FGF14: variants seen among roughly 807,000 people sequenced by gnomAD.
The protein encoded by FGF14 is fibroblast growth factor 14, also known as fibroblast growth factor homologous factor 4.
In FGF14, 5 loss-of-function variants were observed where a neutral mutation model predicts 25.5. That is an observed-to-expected ratio of 0.20 (90% CI 0.10 to 0.41). The LOEUF (loss-of-function observed/expected upper bound fraction) is 0.41, where lower values mean the gene tolerates loss of function less well. FGF14 is among the 10% of genes least tolerant of loss of function. The pLI is 1.00. For synonymous variants in FGF14, 138 were observed against 118.3 expected (o/e 1.17, Z -1.08); for missense variants, 222 against 320.1 (o/e 0.69, Z 2.34).
At chr13:101,803,316 T>C (rs1278263378) in intron 3 of FGF14, among the ~76,000 whole-genome samples, 1 of 151,724 alleles carries the variant, frequency 6.6e-6, no homozygotes, top group Admixed American at 6.6e-5. Context: ...AATTATGGAA[T>C]TGGGGGTCTC....
At chr13:102,024,351 T>C (rs982964922) in intron 1 of FGF14, among the ~76,000 whole-genome samples, 1 of 152,082 alleles carries the variant, frequency 6.6e-6, no homozygotes, top group African/African-American at 2.4e-5. Flanking sequence ...TTGTAGTTCG[T>C]ATTTGCATTT....
intron 1 of FGF14, among the ~76,000 whole-genome samples, chr13:102,267,760 T>C (rs1021969022): frequency 6.6e-6 from 1 of 152,178 alleles, no homozygotes; most frequent in Non-Finnish European, 1.5e-5. Context: ...CTTGGTATTT[T>C]ACAATCATGT....
chr13:102,213,600 A>G (rs1392417377), intron 1 of FGF14, among the ~76,000 whole-genome samples: 2 of 152,246 alleles, frequency 1.3e-5, no homozygotes, highest in Non-Finnish European at 1.5e-5. Context: ...ACATTTAGAT[A>G]ATTATTGTTG....
intron 1 of FGF14, among the ~76,000 whole-genome samples, chr13:101,906,384 A>C (rs549512668): frequency 4.9e-4 from 75 of 152,328 alleles, no homozygotes; most frequent in African/African-American, 1.7e-3. Flanking sequence ...AAAAGCCATG[A>C]ACAAATATTT....
intron 1 of FGF14, among the ~76,000 whole-genome samples, chr13:102,273,326 G>C (rs976051230): frequency 1.3e-5 from 2 of 152,256 alleles, no homozygotes; most frequent in Middle Eastern, 3.4e-3. Context: ...AGCAGCATGG[G>C]ACAGAATTAA....
At chr13:101,878,665 C>T (rs1186153790) in intron 1 of FGF14, among the ~76,000 whole-genome samples, 1 of 151,928 alleles carries the variant, frequency 6.6e-6, no homozygotes, top group Non-Finnish European at 1.5e-5. Context: ...GTAACAAAAA[C>T]AAATGATGAT....
chr13:101,972,871 G>T (rs964189425), intron 1 of FGF14, among the ~76,000 whole-genome samples: 4 of 152,136 alleles, frequency 2.6e-5, no homozygotes, highest in Non-Finnish European at 4.4e-5. Context: ...AATGCATAGG[G>T]ATTTTCCTTT....
intron 1 of FGF14, among the ~76,000 whole-genome samples, chr13:101,968,566 G>A (rs1218556882): frequency 2.0e-5 from 3 of 151,726 alleles, no homozygotes; most frequent in South Asian, 2.1e-4. Flanking sequence ...CCAGCTACTC[G>A]GGAGGCTGAG....
chr13:101,903,865 T>A (rs1594668628), intron 1 of FGF14, among the ~76,000 whole-genome samples: 1 of 152,104 alleles, frequency 6.6e-6, no homozygotes, highest in South Asian at 2.1e-4. Context: ...GTTTGCTTGT[T>A]TGTATGAGTG....
At chr13:102,116,326 G>A (rs145215734) in intron 1 of FGF14, among the ~76,000 whole-genome samples, 3 of 152,176 alleles carry the variant, frequency 2.0e-5, no homozygotes, top group Admixed American at 2.0e-4. Context: ...ACATGGAATT[G>A]CCATATGATC....
At chr13:101,985,288 G>C (rs2038509450) in intron 1 of FGF14, among the ~76,000 whole-genome samples, 1 of 151,922 alleles carries the variant, frequency 6.6e-6, no homozygotes, top group South Asian at 2.1e-4. Context: ...TGAACTGACT[G>C]AATTTCCATA....
chr13:102,138,962 C>T (rs1335720579), intron 1 of FGF14, among the ~76,000 whole-genome samples: 3 of 152,122 alleles, frequency 2.0e-5, no homozygotes, highest in African/African-American at 4.8e-5. Flanking sequence ...GTACTGTGTA[C>T]TTTTTATTTA....
At chr13:102,161,571 A>ACC (rs201031635) in intron 1 of FGF14, among the ~76,000 whole-genome samples, 2 of 3,482 alleles carry the variant, frequency 5.7e-4, no homozygotes, top group African/African-American at 8.8e-4. Context: ...TCTGTGAAGA[A>ACC]AGAAAGAAGA....
At chr13:102,273,427 G>T (rs1180063587) in intron 1 of FGF14, among the ~76,000 whole-genome samples, 1 of 152,112 alleles carries the variant, frequency 6.6e-6, no homozygotes, top group Non-Finnish European at 1.5e-5. Flanking sequence ...CTTTTCAGAA[G>T]ATTTGGAATG....
At chr13:101,931,579 G>T (rs981789276) in intron 1 of FGF14, among the ~76,000 whole-genome samples, 8 of 152,092 alleles carry the variant, frequency 5.3e-5, no homozygotes, top group African/African-American at 1.7e-4. Context: ...ACTTTGTTTT[G>T]TTCACTGTGC....
rs2034693054 is a variant in FGF14, at chr13:101,715,747, G to A, written c.*7084C>T. 6 of 718,542 alleles carry A rather than the reference G, an allele frequency of 8.4e-6. No individual in the cohort carries two copies. The East Asian group carries it at 1.5e-4, about 18-fold the overall frequency. The allele number at this position is 718,542 out of a possible 1,614,324, so 44.5% of individuals were successfully genotyped here. A position where few individuals can be genotyped will look rare whatever the true frequency, so the allele number is the denominator to read the frequency against. ...ACCATGTATATTCACCACTAGGACA[G>A]GTTAAAAAGACCATTGTATGTTTTT... On this transcript the variant is annotated 3_prime_UTR_variant, in exon 5 of 5. Coordinates refer to ENST00000376143, the MANE Select transcript of FGF14 (RefSeq NM_004115.4).
chr13:101,745,680 G>T (rs564328042), intron 3 of FGF14, among the ~76,000 whole-genome samples: 1 of 152,120 alleles, frequency 6.6e-6, no homozygotes, highest in East Asian at 1.9e-4. Flanking sequence ...CTCTTTTCAT[G>T]GCTTGATAGC....
intron 1 of FGF14, among the ~76,000 whole-genome samples, chr13:102,072,803 A>C (rs757862185): frequency 1.3e-5 from 2 of 152,228 alleles, no homozygotes; most frequent in Non-Finnish European, 2.9e-5. Flanking sequence ...TAGAGAAATA[A>C]GAGTTGTAAA....
chr13:102,005,539 A>C (rs2039737941), intron 1 of FGF14, among the ~76,000 whole-genome samples: 2 of 152,108 alleles, frequency 1.3e-5, no homozygotes, highest in Non-Finnish European at 2.9e-5. Context: ...CTGATTTTTA[A>C]AGTTCAGTGC....
Sources: allele counts gnomAD v4.1 joint callset (sites outside exome capture counted in the v4.1 genomes callset), GRCh38; gene constraint gnomAD v4.1.1; transcripts MANE v1.5; gene names NCBI Gene and HGNC (gene_info 2026-07-23, HGNC 2026-07-21).